The following ZNF654 variants were observed in gnomAD, a reference collection of about 807,000 sequenced individuals.
ZNF654 encodes the protein melanoma-associated antigen.
ZNF654 carries 19 observed loss-of-function variants against 95.3 expected under a neutral mutation model. The observed-to-expected ratio is 0.20, with a 90% CI of 0.14 to 0.29. The LOEUF is 0.29. Among genes scored for constraint, ZNF654 ranks in the 10% least tolerant of loss-of-function variants. ZNF654 has a pLI of 1.00. For synonymous variants in ZNF654, 413 were observed against 457.9 expected (o/e 0.90, Z 1.25); for missense variants, 1,046 against 1,341.0 (o/e 0.78, Z 3.44).
intron 2 of ZNF654, 118 bp downstream of exon 2, chr3:88,086,520 G>A (rs143592628): frequency 4.3e-6 from 4 of 937,986 alleles, no homozygotes; most frequent in Non-Finnish European, 5.8e-6. Flanking sequence ...AAAAAGAAAT[G>A]TTTATTTTTT....
chr3:88,101,458 T>G (rs1254447213), intron 2 of ZNF654, among the ~76,000 whole-genome samples: 1 of 152,230 alleles, frequency 6.6e-6, no homozygotes, highest in East Asian at 1.9e-4. Flanking sequence ...AAAATATTCT[T>G]TTAAATGACT....
chr3:88,083,750 C>G (rs1452081911), intron 1 of ZNF654, among the ~76,000 whole-genome samples: 1 of 152,078 alleles, frequency 6.6e-6, no homozygotes, highest in Non-Finnish European at 1.5e-5. Context: ...GTTTTAGCAG[C>G]TTCAGCGTTA....
intron 1 of ZNF654, among the ~76,000 whole-genome samples, chr3:88,071,148 A>G (rs1048904475): frequency 4.6e-5 from 7 of 152,200 alleles, no homozygotes; most frequent in African/African-American, 1.4e-4. Context: ...ATCTAAAACT[A>G]TATTATGCAG....
intron 1 of ZNF654, among the ~76,000 whole-genome samples, chr3:88,081,286 A>G (rs1416999877): frequency 1.3e-5 from 2 of 152,108 alleles, no homozygotes; most frequent in African/African-American, 4.8e-5. Context: ...GATGGCTTTA[A>G]GTTTATGTGG....
intron 7 of ZNF654, among the ~76,000 whole-genome samples, chr3:88,137,612 G>A (rs1559734880): frequency 6.6e-6 from 1 of 152,096 alleles, no homozygotes; most frequent in Non-Finnish European, 1.5e-5. Context: ...ATTCTTGGTG[G>A]AAAGAATGGG....
intron 2 of ZNF654, among the ~76,000 whole-genome samples, chr3:88,088,534 T>A (rs1289482906): frequency 2.6e-5 from 4 of 152,008 alleles, no homozygotes; most frequent in African/African-American, 9.7e-5. Context: ...TGGTTAAAAT[T>A]TAAAGTTCTG....
At chr3:88,083,844 GGCCTTGTA>G (rs1056711364) in intron 1 of ZNF654, among the ~76,000 whole-genome samples, 2 of 151,914 alleles carry the variant, frequency 1.3e-5, no homozygotes, top group African/African-American at 4.8e-5. Context: ...ACTGCCTTGT[GGCCTTGTA>G]GAACACACAG....
intron 2 of ZNF654, among the ~76,000 whole-genome samples, chr3:88,091,434 T>A (rs891798747): frequency 3.9e-5 from 6 of 152,256 alleles, no homozygotes; most frequent in Non-Finnish European, 5.9e-5. Context: ...GAAGAAGTAT[T>A]GCTGTTTCAG....
rs1432778964 is a variant in ZNF654 at position 88,143,940 on chromosome 3, A to G, written c.*2288A>G. 6.6e-6 allele frequency: 1 copy of G among 152,138 alleles called. No individual in the cohort carries two copies. The highest frequency in any genetic ancestry group is 2.4e-5 in the African/African-American group (1 of 41,444). The allele number at this position is 152,138 out of a possible 1,614,324, so 9.4% of individuals were successfully genotyped here. ...CTTTTATAGGGTGCATAAACTTCCAACAGTTCTAATTTGAGCGCTTCAGAA... is the reference window on the plus strand; with the variant it reads ...CTTTTATAGGGTGCATAAACTTCCAGCAGTTCTAATTTGAGCGCTTCAGAA... On this transcript the variant is annotated 3_prime_UTR_variant, in exon 9 of 9. Transcript: ENST00000636215.
At chr3:88,072,948 A>G (rs1194305227) in intron 1 of ZNF654, among the ~76,000 whole-genome samples, 4 of 145,206 alleles carry the variant, frequency 2.8e-5, no homozygotes, top group African/African-American at 1.0e-4. Context: ...ATGAAATAGG[A>G]TTTGACTTGA....
intron 2 of ZNF654, among the ~76,000 whole-genome samples, chr3:88,112,379 T>C (rs1001985263): frequency 6.6e-5 from 10 of 151,956 alleles, no homozygotes; most frequent in Non-Finnish European, 1.2e-4. Context: ...TGTACTACTT[T>C]AGGATTGCTA....
In ZNF654 at chr3:88,126,243, A is replaced by G; in HGVS notation, c.524A>G (p.Lys175Arg). Residue 175 changes from lysine (K) to arginine (R), a missense_variant, in exon 4 of 9, where the codon AAA (lysine) becomes AGA (arginine). Physicochemically the swap from Lys to Arg is conservative, Grantham distance 26. Transcript: ENST00000636215. ...WEDPVLQAVL[K>R]AQPASQEIVN... ...GATCCAGTGTTGCAAGCTGTCCTTAAAGCTCAGCCAGCATCTCAGGAGATA... is the reference window on the plus strand; with the variant it reads ...GATCCAGTGTTGCAAGCTGTCCTTAGAGCTCAGCCAGCATCTCAGGAGATA... The G allele has an allele frequency of 6.6e-7, 1 of 1,523,690 alleles. No homozygotes were observed. The highest frequency in any genetic ancestry group is 8.8e-7 in the Non-Finnish European group (1 of 1,139,896). The allele number at this position is 1,523,690 out of a possible 1,614,324, so 94.4% of individuals were successfully genotyped here.
rs1412653511 is a variant in ZNF654 at position 88,143,035 on chromosome 3, CAG to C, written c.*1385_*1386del. The C allele has an allele frequency of 6.6e-6, 1 of 152,200 alleles. No individual in the cohort carries two copies. The highest frequency in any genetic ancestry group is 2.4e-5 in the African/African-American group (1 of 41,412). The allele number at this position is 152,200 out of a possible 1,614,324, so 9.4% of individuals were successfully genotyped here. Reference sequence around the variant, plus strand: ...ATAACAAAAAGGCAGTGTTTCAAAACAGATCTCCTAATGTCCCAATGTCAAAT... The same window carrying C: ...ATAACAAAAAGGCAGTGTTTCAAAACATCTCCTAATGTCCCAATGTCAAAT... On this transcript the variant is annotated 3_prime_UTR_variant, in exon 9 of 9. Coordinates refer to ENST00000636215, the MANE Select transcript of ZNF654 (RefSeq NM_001350134.2).
intron 6 of ZNF654, 31 bp downstream of exon 6, chr3:88,129,857 G>A: frequency 7.3e-7 from 1 of 1,378,552 alleles, no homozygotes; most frequent in Non-Finnish European, 9.5e-7. Flanking sequence ...AAATTGAAAT[G>A]GTAAGATGGG....
chr3:88,087,241 A>T (rs1413748532), intron 2 of ZNF654, among the ~76,000 whole-genome samples: 1 of 151,628 alleles, frequency 6.6e-6, no homozygotes, highest in Admixed American at 6.6e-5. Context: ...CCATGCCTGG[A>T]TAATTTTTGT....
intron 5 of ZNF654, 71 bp downstream of exon 5, chr3:88,129,082 GC>G: frequency 9.3e-7 from 1 of 1,078,812 alleles, no homozygotes; most frequent in Non-Finnish European, 1.3e-6. Flanking sequence ...AAAAAAAGTA[GC>G]CCACTGTTGT....
chr3:88,077,324 G>T (rs1707860808), intron 1 of ZNF654, among the ~76,000 whole-genome samples: 1 of 150,802 alleles, frequency 6.6e-6, no homozygotes, highest in African/African-American at 2.5e-5. Context: ...AAAAGTTGCA[G>T]ACTTAAATTG....
In ZNF654 at chr3:88,087,432, T is replaced by C. The variant is rs548824669; in HGVS notation, c.332+1030T>C. On this transcript the variant is annotated intron_variant, in intron 2 of 8. Transcript: ENST00000636215. ...GAACTTCAAATTAAAGATTAAAAAC[T>C]GAACATTTGTGATTATGCCTTCTGC... Among the ~76,000 whole-genome samples, 44 of 152,324 alleles carry C rather than the reference T, an allele frequency of 2.9e-4. 1 individual carries two copies. In the South Asian group the frequency reaches 4.6e-3, roughly 16 times the overall value.
At position 88,101,634 on chromosome 3, in the gene ZNF654, C is replaced by T. The variant is rs2107719199; in HGVS notation, c.333-11481C>T. On this transcript the variant is annotated intron_variant, in intron 2 of 8. Transcript: ENST00000636215. ...ATTACTTCCAGTTTTGGGCTATAAACATTTCTGTATGTGTCTTATGTGGCC... is the reference window on the plus strand; with the variant it reads ...ATTACTTCCAGTTTTGGGCTATAAATATTTCTGTATGTGTCTTATGTGGCC... Among the ~76,000 whole-genome samples the T allele has an allele frequency of 2.0e-5, 3 of 152,116 alleles. No homozygotes were observed. The Middle Eastern group carries it at 0.01, about 517-fold the overall frequency.
Sources: allele counts gnomAD v4.1 joint callset (sites outside exome capture counted in the v4.1 genomes callset), GRCh38; gene constraint gnomAD v4.1.1; transcripts MANE v1.5; gene names NCBI Gene and HGNC (gene_info 2026-07-23, HGNC 2026-07-21).